Variants in DPH6 observed in about 807,000 individuals in gnomAD.
DPH6 encodes the protein diphthine--ammonia ligase.
A neutral mutation model predicts 38.2 loss-of-function variants in DPH6; 33 were observed. The ratio of observed to expected loss-of-function variants is 0.86; its 90% CI spans 0.65 to 1.15. DPH6 has a LOEUF of 1.15. Ranked by LOEUF, DPH6 falls within the 50% of genes most tolerant of loss-of-function variation. The pLI is 0.00. For missense variants in DPH6, 325 were observed against 320.0 expected, an observed-to-expected ratio of 1.02 and a Z score of -0.12; for synonymous variants, 108 against 103.0, an observed-to-expected ratio of 1.05 and a Z score of -0.30.
intron 3 of DPH6, among the ~76,000 whole-genome samples, chr15:35,460,044 T>TGTG (rs2054044475): frequency 6.6e-6 from 1 of 152,192 alleles, no homozygotes; most frequent in South Asian, 2.1e-4. Context: ...ACAGCTGTGC[T>TGTG]CTTTCTTACT....
chr15:35,196,953 A>C, the DPH6 span, among the ~76,000 whole-genome samples: 1 of 152,086 alleles, frequency 6.6e-6, no homozygotes, highest in Non-Finnish European at 1.5e-5. Context: ...CATGCTTTTA[A>C]TTTTTTTGAA....
At chr15:35,159,388 G>C in the DPH6 span, among the ~76,000 whole-genome samples, 1 of 151,774 alleles carries the variant, frequency 6.6e-6, no homozygotes, top group Non-Finnish European at 1.5e-5. Context: ...ATAAATGCAG[G>C]CTGCAGTATC....
rs575572322 is a variant in DPH6 at position 35,421,675 on chromosome 15, A to T, written c.506-10779T>A. Among the ~76,000 whole-genome samples the T allele has an allele frequency of 3.3e-5, 5 of 152,218 alleles. No individual in the cohort carries two copies. The East Asian group carries it at 9.6e-4, about 29-fold the overall frequency. On this transcript the variant is annotated intron_variant, in intron 5 of 8. Coordinates refer to ENST00000256538, the MANE Select transcript of DPH6 (RefSeq NM_080650.4). ...GAAACTGAAAGAAGCTCGAGTAGAG[A>T]GTGTCTGAAGGTGGAAGAGTTGAAG...
chr15:35,542,648 TAAATCATAAACAAACTGAGCA>T, intron 1 of DPH6, 141 bp from the exon 2 acceptor site: 1 of 795,568 alleles, frequency 1.3e-6, no homozygotes. Context: ...CATTAATTTC[TAAATCATAAACAAACTGAGCA>T]ACCGAATCTG....
At chr15:35,250,482 T>C (rs1431058359) in intron 3 of DPH6, among the ~76,000 whole-genome samples, 1 of 152,188 alleles carries the variant, frequency 6.6e-6, no homozygotes, top group Non-Finnish European at 1.5e-5. Flanking sequence ...AGTTCAAATA[T>C]ATGTTGCAGG....
At chr15:35,395,137 T>C (rs1172797468) in intron 6 of DPH6, among the ~76,000 whole-genome samples, 1 of 152,192 alleles carries the variant, frequency 6.6e-6, no homozygotes, top group Non-Finnish European at 1.5e-5. Context: ...CTCCCAATCA[T>C]TATGTGTGGA....
the DPH6 span, among the ~76,000 whole-genome samples, chr15:35,185,760 T>C: frequency 7.1e-6 from 1 of 141,126 alleles, no homozygotes; most frequent in Non-Finnish European, 1.5e-5. Flanking sequence ...ATACGGAGTC[T>C]GTCTCCCAGG....
chr15:35,206,575 A>T, the DPH6 span, among the ~76,000 whole-genome samples: 2 of 152,302 alleles, frequency 1.3e-5, no homozygotes, highest in African/African-American at 4.8e-5. Flanking sequence ...TATTGTTTTT[A>T]ACTTTAAAAT....
intron 3 of DPH6, among the ~76,000 whole-genome samples, chr15:35,332,315 T>TAA (rs2052332511): frequency 1.3e-5 from 2 of 152,118 alleles, no homozygotes; most frequent in South Asian, 4.1e-4. Context: ...ATTTGAAAGT[T>TAA]AAAAAAGGAG....
At chr15:35,213,744 C>T (rs1407926044), downstream of DPH6, among the ~76,000 whole-genome samples, 2 of 152,208 alleles carry the variant, frequency 1.3e-5, no homozygotes, top group Non-Finnish European at 2.9e-5. Flanking sequence ...CACCAACTGC[C>T]ACCCCCAGGC....
chr15:35,386,721 A>G (rs566182521), intron 6 of DPH6, among the ~76,000 whole-genome samples: 4 of 152,018 alleles, frequency 2.6e-5, no homozygotes, highest in Admixed American at 6.5e-5. Context: ...GTTTGGGTTC[A>G]TTGTAGATTC....
intron 5 of DPH6, among the ~76,000 whole-genome samples, chr15:35,418,092 T>C (rs889086804): frequency 6.6e-6 from 1 of 152,084 alleles, no homozygotes; most frequent in African/African-American, 2.4e-5. Context: ...GGTGTCTCTT[T>C]TCTAGTAAAG....
chr15:35,257,386 A>G (rs547558393), intron 3 of DPH6, among the ~76,000 whole-genome samples: 12 of 152,338 alleles, frequency 7.9e-5, no homozygotes, highest in African/African-American at 2.2e-4. Flanking sequence ...AGTCACTTAC[A>G]TTCTCTGAGT....
chr15:35,162,332 C>G, the DPH6 span, among the ~76,000 whole-genome samples: 2 of 151,918 alleles, frequency 1.3e-5, no homozygotes, highest in African/African-American at 4.8e-5. Flanking sequence ...AATCCAGCTG[C>G]CTAAGAGGGA....
intron 3 of DPH6, among the ~76,000 whole-genome samples, chr15:35,505,343 A>AG (rs1327947878): frequency 6.6e-6 from 1 of 151,560 alleles, no homozygotes; most frequent in Non-Finnish European, 1.5e-5. Context: ...AACTCTATTG[A>AG]GAAAAAAAAA....
At chr15:35,525,542 T>C (rs2054986770) in intron 3 of DPH6, among the ~76,000 whole-genome samples, 1 of 152,158 alleles carries the variant, frequency 6.6e-6, no homozygotes. Flanking sequence ...TGAGTATTCA[T>C]GAATACTCCC....
chr15:35,344,435 G>C (rs372964198), intron 3 of DPH6, among the ~76,000 whole-genome samples: 1 of 151,978 alleles, frequency 6.6e-6, no homozygotes, highest in East Asian at 1.9e-4. Context: ...TTAAGTGCAA[G>C]CTGTGTTTAA....
chr15:35,176,912 A>G, the DPH6 span, among the ~76,000 whole-genome samples: 4 of 152,246 alleles, frequency 2.6e-5, no homozygotes, highest in Admixed American at 6.5e-5. Flanking sequence ...AAGACTAATG[A>G]TTCTCTGCAT....
At chr15:35,375,107 G>A (rs573238909) in intron 7 of DPH6, among the ~76,000 whole-genome samples, 2 of 151,976 alleles carry the variant, frequency 1.3e-5, no homozygotes, top group Non-Finnish European at 2.9e-5. Flanking sequence ...ACAATGGGGT[G>A]CGCCAAAACT....
Sources: gnomAD v4.1 joint callset for allele counts (sites outside exome capture counted in the v4.1 genomes callset) on GRCh38, gnomAD v4.1.1 for gene constraint, MANE v1.5 for transcripts, NCBI Gene and HGNC (gene_info 2026-07-23, HGNC 2026-07-21) for gene names.